The following PGPEP1L variants were observed in gnomAD, a reference collection of about 807,000 sequenced individuals.
The protein encoded by PGPEP1L is pyroglutamyl-peptidase 1-like protein.
In PGPEP1L, 7 loss-of-function variants were observed where a neutral mutation model predicts 6.0. The observed-to-expected ratio is 1.17, with a 90% CI of 0.66 to 2.19. The LOEUF is 2.19. PGPEP1L is among the 30% of genes most tolerant of loss of function. The pLI is 0.00. For synonymous variants in PGPEP1L, 103 were observed against 83.9 expected, an observed-to-expected ratio of 1.23 and a Z score of -1.24; for missense variants, 209 against 192.5, an observed-to-expected ratio of 1.09 and a Z score of -0.51.
intron 2 of PGPEP1L, among the ~76,000 whole-genome samples, chr15:98,981,356 G>T (rs914104357): frequency 6.6e-6 from 1 of 151,914 alleles, no homozygotes; most frequent in African/African-American, 2.4e-5. Flanking sequence ...CGGGCGTGCT[G>T]GCGGGCGCCT....
rs2017458737 is a variant in PGPEP1L at position 98,969,511 on chromosome 15, C to T, written c.123G>A (p.Val41=). The change falls in exon 4 of 5, where the codon GTG becomes GTA. Residue 41 remains valine, a synonymous_variant. Coordinates refer to ENST00000535714, the MANE Select transcript of PGPEP1L (RefSeq NM_001167902.2). ...CCTTCATGCAGACCCCTGACTCCAG[C>T]ACGTCTGGGCTGCCAGGTAGGCACA... The part of the protein sequence containing the change: ...GGVCLPGSPD[V]LESGVCMKAV... 16 of 1,613,960 alleles carry T rather than the reference C, an allele frequency of 9.9e-6. No homozygotes were observed. Among genetic ancestry groups the T allele is most frequent in the Non-Finnish European group, 1.4e-5 (16 of 1,179,922 alleles).
chr15:98,973,409 C>T (rs548034161), intron 2 of PGPEP1L, among the ~76,000 whole-genome samples: 172 of 152,310 alleles, frequency 1.1e-3, no homozygotes, highest in Non-Finnish European at 1.8e-3. Flanking sequence ...GCAGAATACA[C>T]GTTTTTCTCA....
At chr15:99,001,347 G>A (rs974194348) in intron 2 of PGPEP1L, 5 of 226,206 alleles carry the variant, frequency 2.2e-5, no homozygotes, top group Non-Finnish European at 3.7e-5. Context: ...AATGTCAGAA[G>A]AGGCACATCT....
chr15:98,972,854 C>A (rs2017517609), intron 2 of PGPEP1L, among the ~76,000 whole-genome samples: 1 of 106,796 alleles, frequency 9.4e-6, no homozygotes, highest in African/African-American at 3.7e-5. Flanking sequence ...GCCTGGGTGA[C>A]AGAGTGAGAC....
At chr15:98,975,858 G>C (rs1045159966) in intron 2 of PGPEP1L, among the ~76,000 whole-genome samples, 1 of 152,086 alleles carries the variant, frequency 6.6e-6, no homozygotes, top group Admixed American at 6.5e-5. Flanking sequence ...TCCAGCTTGG[G>C]CGACAGAGCG....
At chr15:99,006,587 G>T (rs782752595) in intron 1 of PGPEP1L, among the ~76,000 whole-genome samples, 1 of 152,228 alleles carries the variant, frequency 6.6e-6, no homozygotes, top group African/African-American at 2.4e-5. Context: ...TCAGCATTTT[G>T]AGAGGCCAAG....
intron 2 of PGPEP1L, among the ~76,000 whole-genome samples, chr15:98,975,696 C>T (rs1450555495): frequency 1.3e-5 from 2 of 152,080 alleles, no homozygotes; most frequent in African/African-American, 4.8e-5. Flanking sequence ...GCCTGGCCAA[C>T]GTGGTGAAAC....
intron 3 of PGPEP1L, 69 bp from the exon 4 acceptor site, chr15:98,969,720 A>G (rs2017465534): frequency 2.7e-6 from 4 of 1,500,136 alleles, no homozygotes. Flanking sequence ...AAATGTGCAG[A>G]AGGGGCCACT....
At chr15:98,970,908 G>T in intron 3 of PGPEP1L, 128 bp downstream of exon 3, 2 of 1,367,596 alleles carry the variant, frequency 1.5e-6, no homozygotes, top group Non-Finnish European at 2.0e-6. Context: ...CTGGGACCTT[G>T]CATGACTGGT....
intron 2 of PGPEP1L, among the ~76,000 whole-genome samples, chr15:98,971,790 G>A (rs530999667): frequency 7.9e-5 from 12 of 152,332 alleles, no homozygotes; most frequent in African/African-American, 2.2e-4. Flanking sequence ...AATCATGTAC[G>A]TCTTAAGTGT....
intron 1 of PGPEP1L, among the ~76,000 whole-genome samples, chr15:99,007,026 G>C (rs754097763): frequency 2.6e-5 from 4 of 152,072 alleles, no homozygotes; most frequent in Non-Finnish European, 2.9e-5. Flanking sequence ...GATATAAAGC[G>C]CTCCCTTTTA....
chr15:98,987,594 A>C (rs72754818), intron 2 of PGPEP1L, among the ~76,000 whole-genome samples: 10,084 of 152,146 alleles, frequency 0.066, 467 homozygotes, highest in South Asian at 0.12. Context: ...CTATGGGGTG[A>C]TTTTTGGTCT....
intron 1 of PGPEP1L, among the ~76,000 whole-genome samples, chr15:99,006,793 G>A (rs1318054076): frequency 6.6e-6 from 1 of 152,128 alleles, no homozygotes; most frequent in Non-Finnish European, 1.5e-5. Context: ...GTGAGACCCT[G>A]TCTCTAAAAA....
intron 2 of PGPEP1L, among the ~76,000 whole-genome samples, chr15:98,988,302 G>C (rs2089606): frequency 1.3e-5 from 2 of 151,744 alleles, no homozygotes; most frequent in Admixed American, 1.3e-4. Flanking sequence ...AGCTTGGTGG[G>C]GGGGAGGGGC....
intron 2 of PGPEP1L, among the ~76,000 whole-genome samples, chr15:98,977,027 T>C (rs1032995250): frequency 6.2e-5 from 9 of 145,706 alleles, no homozygotes; most frequent in Non-Finnish European, 4.5e-5. Context: ...AAAAAACAAG[T>C]CTGTAGTGAC....
At chr15:98,990,715 A>G (rs528388503) in intron 2 of PGPEP1L, among the ~76,000 whole-genome samples, 11 of 152,330 alleles carry the variant, frequency 7.2e-5, no homozygotes, top group Non-Finnish European at 1.5e-4. Context: ...AATTGGAAGT[A>G]AAACACTCCT....
chr15:98,993,910 T>C (rs1362694760), intron 2 of PGPEP1L, among the ~76,000 whole-genome samples: 4 of 151,966 alleles, frequency 2.6e-5, no homozygotes, highest in Admixed American at 1.3e-4. Context: ...GCCATACATA[T>C]ATAATTTAAC....
intron 2 of PGPEP1L, among the ~76,000 whole-genome samples, chr15:99,001,948 CCT>C (rs1308369589): frequency 6.6e-6 from 1 of 152,060 alleles, no homozygotes; most frequent in Non-Finnish European, 1.5e-5. Flanking sequence ...GAACTCCTGC[CCT>C]AAGTGATCCA....
intron 2 of PGPEP1L, among the ~76,000 whole-genome samples, chr15:98,983,702 G>A (rs1004686373): frequency 2.6e-5 from 4 of 152,128 alleles, no homozygotes; most frequent in African/African-American, 9.7e-5. Flanking sequence ...TCCTAGTCTG[G>A]CTCAATGTTA....
Sources: gnomAD v4.1 joint callset for allele counts (sites outside exome capture counted in the v4.1 genomes callset) on GRCh38, gnomAD v4.1.1 for gene constraint, MANE v1.5 for transcripts, NCBI Gene and HGNC (gene_info 2026-07-23, HGNC 2026-07-21) for gene names.